The following ENTREP2 variants were observed in gnomAD, a reference collection of about 807,000 sequenced individuals.
ENTREP2 encodes protein ENTREP2.
chr15:29,631,459 C>T, the ENTREP2 span, among the ~76,000 whole-genome samples: 2 of 152,164 alleles, frequency 1.3e-5, no homozygotes, highest in South Asian at 2.1e-4. Flanking sequence ...GGTCCAATGA[C>T]GACTGAGTTT....
chr15:29,539,736 G>A, the ENTREP2 span, among the ~76,000 whole-genome samples: 1 of 152,142 alleles, frequency 6.6e-6, no homozygotes, highest in South Asian at 2.1e-4. Context: ...ATGTTGGAGA[G>A]GGCCCAGAAT....
the ENTREP2 span, among the ~76,000 whole-genome samples, chr15:29,641,300 T>C: frequency 1.3e-5 from 2 of 152,098 alleles, no homozygotes. Context: ...TACCGGAAGT[T>C]CTAGCCAGCG....
the ENTREP2 span, chr15:29,375,195 T>C: frequency 6.6e-6 from 1 of 152,176 alleles, no homozygotes. Flanking sequence ...ACTACTGAGG[T>C]AAAACTCTTC....
the ENTREP2 span, among the ~76,000 whole-genome samples, chr15:29,543,114 T>C: frequency 2.0e-5 from 3 of 151,510 alleles, no homozygotes; most frequent in Admixed American, 2.0e-4. Flanking sequence ...TGAGACTCTC[T>C]ACATGTTAAC....
the ENTREP2 span, among the ~76,000 whole-genome samples, chr15:29,324,572 A>G: frequency 6.6e-6 from 1 of 152,368 alleles, no homozygotes; most frequent in East Asian, 1.9e-4. Context: ...AGAAAGTTAT[A>G]GTGTGCTATG....
chr15:29,173,480 A>C, the ENTREP2 span, among the ~76,000 whole-genome samples: 1 of 152,160 alleles, frequency 6.6e-6, no homozygotes, highest in Admixed American at 6.5e-5. Context: ...CTGAGCCTTG[A>C]TCTCATCTGT....
the ENTREP2 span, among the ~76,000 whole-genome samples, chr15:29,420,895 T>C: frequency 1.7e-3 from 258 of 152,228 alleles, 1 homozygote; most frequent in African/African-American, 6.0e-3. Context: ...CTGAGGCTGG[T>C]CCCACCATGC....
chr15:29,223,081 C>G, the ENTREP2 span, among the ~76,000 whole-genome samples: 3 of 152,106 alleles, frequency 2.0e-5, no homozygotes, highest in Non-Finnish European at 4.4e-5. Flanking sequence ...AAGAACAAAT[C>G]AAACAAAGAA....
At chr15:29,276,573 G>C in the ENTREP2 span, among the ~76,000 whole-genome samples, 1 of 152,208 alleles carries the variant, frequency 6.6e-6, no homozygotes, top group African/African-American at 2.4e-5. Flanking sequence ...ACAAGCTGAG[G>C]GGTGATGTAA....
chr15:29,234,703 A>T, the ENTREP2 span: 1 of 1,530,174 alleles, frequency 6.5e-7, no homozygotes, highest in Admixed American at 1.7e-5. Flanking sequence ...TCATAATCTC[A>T]TAAGTAGTTC....
the ENTREP2 span, among the ~76,000 whole-genome samples, chr15:29,250,709 T>G: frequency 6.6e-6 from 1 of 152,134 alleles, no homozygotes; most frequent in East Asian, 1.9e-4. Context: ...TCCTTGTAGG[T>G]CACCAGATTT....
At chr15:29,542,022 G>A in the ENTREP2 span, among the ~76,000 whole-genome samples, 2 of 152,058 alleles carry the variant, frequency 1.3e-5, no homozygotes, top group Non-Finnish European at 2.9e-5. Context: ...GGTTTGGTTT[G>A]GTTTGGTTTG....
the ENTREP2 span, among the ~76,000 whole-genome samples, chr15:29,230,439 T>C: frequency 9.9e-5 from 15 of 152,174 alleles, no homozygotes; most frequent in African/African-American, 3.1e-4. Flanking sequence ...GAGGAAATTA[T>C]AGTAAATGAA....
At chr15:29,625,448 T>C in the ENTREP2 span, among the ~76,000 whole-genome samples, 1 of 152,184 alleles carries the variant, frequency 6.6e-6, no homozygotes, top group African/African-American at 2.4e-5. Context: ...CAGGCTGGAG[T>C]GCAGTGGCAC....
chr15:29,206,034 A>C, the ENTREP2 span, among the ~76,000 whole-genome samples: 2 of 152,164 alleles, frequency 1.3e-5, no homozygotes, highest in Admixed American at 6.5e-5. Flanking sequence ...GGTCCCCACA[A>C]CACCAGCCCC....
At chr15:29,346,071 C>T in the ENTREP2 span, among the ~76,000 whole-genome samples, 59 of 152,292 alleles carry the variant, frequency 3.9e-4, no homozygotes, top group African/African-American at 1.3e-3. Flanking sequence ...CCAAGCATCC[C>T]GCTCGGCGAA....
the ENTREP2 span, among the ~76,000 whole-genome samples, chr15:29,565,690 G>A: frequency 6.6e-6 from 1 of 152,168 alleles, no homozygotes; most frequent in Non-Finnish European, 1.5e-5. Context: ...CCGGCCGGGT[G>A]CGGTGGCTCA....
At chr15:29,222,883 A>ATGAGTTTTATG in the ENTREP2 span, among the ~76,000 whole-genome samples, 2 of 152,228 alleles carry the variant, frequency 1.3e-5, no homozygotes, top group Non-Finnish European at 2.9e-5. Context: ...TTATGAGTTT[A>ATGAGTTTTATG]AGTTTTTGTC....
At chr15:29,198,463 C>A in the ENTREP2 span, among the ~76,000 whole-genome samples, 1 of 152,216 alleles carries the variant, frequency 6.6e-6, no homozygotes, top group Admixed American at 6.5e-5. Context: ...TAATCCACAT[C>A]CTCACCAATG....
Sources: allele counts gnomAD v4.1 joint callset (sites outside exome capture counted in the v4.1 genomes callset), GRCh38; gene constraint gnomAD v4.1.1; transcripts MANE v1.5; gene names NCBI Gene and HGNC (gene_info 2026-07-23, HGNC 2026-07-21).